The following SMARCC1 variants were observed in gnomAD, a reference collection of about 807,000 sequenced individuals.
SMARCC1 encodes SWI/SNF complex subunit SMARCC1.
A neutral mutation model predicts 147.4 loss-of-function variants in SMARCC1; 43 were observed. The observed-to-expected ratio is 0.29, with a 90% CI of 0.23 to 0.38. The LOEUF is 0.38. SMARCC1 is among the 10% of genes least tolerant of loss of function. SMARCC1 has a pLI of 1.00. For missense variants in SMARCC1, 1,119 were observed against 1,381.1 expected (o/e 0.81, Z 3.01); for synonymous variants, 495 against 484.4 (o/e 1.02, Z -0.29).
chr3:47,717,995 CCAA>C (rs924963448), intron 7 of SMARCC1, among the ~76,000 whole-genome samples: 2 of 151,526 alleles, frequency 1.3e-5, no homozygotes, highest in Admixed American at 6.6e-5. Flanking sequence ...CCTGCCCCCG[CCAA>C]CAAAAAATTA....
At chr3:47,692,441 A>G (rs2033801425) in intron 12 of SMARCC1, among the ~76,000 whole-genome samples, 2 of 152,250 alleles carry the variant, frequency 1.3e-5, no homozygotes, top group Admixed American at 1.3e-4. Flanking sequence ...CTAACAATAC[A>G]GTATCATTTT....
intron 3 of SMARCC1, among the ~76,000 whole-genome samples, chr3:47,740,194 TTTTTTTTTTTTTTTTTTA>T (rs952312065): frequency 2.3e-5 from 3 of 132,124 alleles, no homozygotes; most frequent in African/African-American, 2.8e-5. Flanking sequence ...TTTTTTTTTT[TTTTTTTTTTTTTTTTTTA>T]AAAGACAGAC....
intron 26 of SMARCC1, among the ~76,000 whole-genome samples, chr3:47,606,465 G>A (rs1311861793): frequency 6.6e-6 from 1 of 152,116 alleles, no homozygotes; most frequent in Non-Finnish European, 1.5e-5. Context: ...ATGTGGGTGA[G>A]GGGCATGGCA....
chr3:47,648,581 G>T (rs1327892678), intron 21 of SMARCC1, among the ~76,000 whole-genome samples: 1 of 151,830 alleles, frequency 6.6e-6, no homozygotes, highest in East Asian at 1.9e-4. Context: ...TAGAGACGAG[G>T]TCTCACTATA....
chr3:47,593,192 ATT>A (rs11292851), intron 26 of SMARCC1, among the ~76,000 whole-genome samples: 79 of 148,216 alleles, frequency 5.3e-4, no homozygotes, highest in East Asian at 3.7e-3. Context: ...CAAGGCTTTA[ATT>A]TTTTTTTTTT....
intron 11 of SMARCC1, among the ~76,000 whole-genome samples, chr3:47,694,484 CA>C (rs902717272): frequency 2.6e-5 from 4 of 152,230 alleles, no homozygotes; most frequent in Admixed American, 6.5e-5. Context: ...TGTGTAATCC[CA>C]GCTGCTCGGG....
rs2032957110 is a variant in SMARCC1, at chr3:47,635,490, C to T, written c.2492-146G>A. The T allele has an allele frequency of 4.1e-6, 3 of 724,988 alleles. No homozygotes were observed. The Admixed American group carries it at 8.2e-5, about 20-fold the overall frequency. 44.9% of individuals were successfully genotyped at this position (724,988 alleles called of 1,614,324 possible). ...CTTCTTTTTAAGAGTTCTGTTGAGC[C>T]ATTCCATGCATTTAGGTTTGCCTCT... On this transcript the variant is annotated intron_variant, in intron 23 of 27. Coordinates refer to ENST00000254480, the MANE Select transcript of SMARCC1 (RefSeq NM_003074.4).
chr3:47,611,154 A>C (rs2106670827), intron 25 of SMARCC1, among the ~76,000 whole-genome samples: 1 of 152,372 alleles, frequency 6.6e-6, no homozygotes, highest in East Asian at 1.9e-4. Context: ...CTGAACATGC[A>C]GGAAAATGAA....
chr3:47,781,682 G>A lies in SMARCC1; in HGVS notation c.116C>T (p.Ala39Val). ...CTCCGGGCTCTCCCAAAACTTGGTG[G>A]CCGGGCCCCCATCCTTCCGTCGATA... ...AVYRRKDGGP[A>V]TKFWESPETV... Residue 39 changes from alanine (A) to valine (V), a missense_variant, in exon 1 of 28, where the codon GCC becomes GTC. This residue lies in a region of SMARCC1 where 542 missense variants were observed against 611.8 expected (regional missense o/e 0.89). Coordinates refer to ENST00000254480, the MANE Select transcript of SMARCC1 (RefSeq NM_003074.4). 6.4e-7 allele frequency: 1 copy of A among 1,562,028 alleles called. No homozygotes were observed. Among genetic ancestry groups the A allele is most frequent in the Non-Finnish European group, 8.6e-7 (1 of 1,157,982 alleles).
chr3:47,781,386 G>A (rs528973210), intron 1 of SMARCC1, among the ~76,000 whole-genome samples: 1 of 152,344 alleles, frequency 6.6e-6, no homozygotes, highest in African/African-American at 2.4e-5. Flanking sequence ...CTTTCACCAT[G>A]GGTGCGTAGG....
At position 47,715,930 on chromosome 3, in the gene SMARCC1, TCAA is replaced by T. The variant is rs372482827; in HGVS notation, c.717-1443_717-1441del. Among the ~76,000 whole-genome samples, 7 of 152,226 alleles carry T rather than the reference TCAA, an allele frequency of 4.6e-5. 1 individual carries two copies. Among genetic ancestry groups the T allele is most frequent in the African/African-American group, 1.7e-4 (7 of 41,544 alleles). On this transcript the variant is annotated intron_variant, in intron 7 of 27. Transcript: ENST00000254480. ...TCTCTTTGCTCAAGGAGCCTCTTTA[TCAA>T]CAAGAACTCACTGACATAAATCAGA...
intron 2 of SMARCC1, among the ~76,000 whole-genome samples, chr3:47,758,753 G>A (rs1226612559): frequency 6.6e-6 from 1 of 151,972 alleles, no homozygotes; most frequent in Non-Finnish European, 1.5e-5. Flanking sequence ...ACAGGGTGTT[G>A]GCCGGGCGCG....
chr3:47,749,626 C>T (rs1013714554), intron 2 of SMARCC1, among the ~76,000 whole-genome samples: 23 of 142,452 alleles, frequency 1.6e-4, no homozygotes, highest in Non-Finnish European at 7.7e-5. Context: ...GTGACCACAC[C>T]ACCGCACTCC....
At chr3:47,672,691 T>C (rs1039180516) in intron 18 of SMARCC1, among the ~76,000 whole-genome samples, 5 of 152,318 alleles carry the variant, frequency 3.3e-5, no homozygotes, top group South Asian at 2.1e-4. Flanking sequence ...ATTTATAGGA[T>C]AGGTCCTCAA....
chr3:47,723,465 TTC>T, intron 6 of SMARCC1, among the ~76,000 whole-genome samples: 1 of 141,012 alleles, frequency 7.1e-6, no homozygotes, highest in Admixed American at 7.6e-5. Flanking sequence ...CGGAATGAAA[TTC>T]TGTCTTAAAA....
chr3:47,675,326 T>C, intron 18 of SMARCC1, 149 bp downstream of exon 18: 1 of 435,096 alleles, frequency 2.3e-6, no homozygotes, highest in South Asian at 5.0e-5. Context: ...AAAATACCTA[T>C]CTACTAAGTC....
chr3:47,610,247 T>C lies in SMARCC1; in HGVS notation c.2862A>G (p.Ala954=). 6.2e-7 allele frequency: 1 copy of C among 1,614,248 alleles called. No individual in the cohort carries two copies. Among genetic ancestry groups the C allele is most frequent in the African/African-American group, 1.3e-5 (1 of 75,060 alleles). Residue 954 remains alanine, a synonymous_variant, in exon 26 of 28, where the codon GCA becomes GCG. Transcript: ENST00000254480. ...GCTGCTGCTGTTCCATTTGCTGTCG[T>C]GCTCGTAATTCAGCATACTTCAGCT... The part of the protein sequence containing the change: ...MEQLKYAELR[A]RQQMEQQQHG...
chr3:47,768,680 C>T (rs1422083239), intron 2 of SMARCC1, among the ~76,000 whole-genome samples: 1 of 152,042 alleles, frequency 6.6e-6, no homozygotes, highest in Non-Finnish European at 1.5e-5. Context: ...AATTCTAGCC[C>T]AGTTCATAAT....
chr3:47,663,572 CCTGT>C, intron 19 of SMARCC1: 1 of 1,313,944 alleles, frequency 7.6e-7, no homozygotes, highest in Non-Finnish European at 1.1e-6. Flanking sequence ...ACAGCAAGAC[CCTGT>C]CTTAGGTCGC....
Sources: allele counts gnomAD v4.1 joint callset (sites outside exome capture counted in the v4.1 genomes callset), GRCh38; gene constraint gnomAD v4.1.1; regional missense constraint gnomAD v4.1.1; transcripts MANE v1.5; gene names NCBI Gene and HGNC (gene_info 2026-07-23, HGNC 2026-07-21).